Variants in AGO2 observed in about 807,000 individuals in gnomAD.
AGO2 encodes argonaute RISC catalytic component 2, also known as protein argonaute-2.
Under a neutral mutation model 102.3 loss-of-function variants are expected in AGO2, and 5 were observed. The observed-to-expected ratio is 0.05, with a 90% CI of 0.03 to 0.10. AGO2 has a LOEUF of 0.10. Ranked by LOEUF, AGO2 falls within the 10% of genes least tolerant of loss-of-function variation. The pLI, the probability that AGO2 is intolerant of heterozygous loss-of-function variation, is 1.00. For synonymous variants in AGO2, 449 were observed against 473.1 expected, an observed-to-expected ratio of 0.95 and a Z score of 0.66; for missense variants, 541 against 1,183.7, an observed-to-expected ratio of 0.46 and a Z score of 7.97.
chr8:140,558,835 A>G (rs917147887), intron 6 of AGO2, among the ~76,000 whole-genome samples: 1 of 152,188 alleles, frequency 6.6e-6, no homozygotes, highest in African/African-American at 2.4e-5. Context: ...TGCGCCCCCC[A>G]TGGGTCATCG....
chr8:140,609,641 C>A (rs1444827914), intron 1 of AGO2, among the ~76,000 whole-genome samples: 1 of 152,100 alleles, frequency 6.6e-6, no homozygotes, highest in African/African-American at 2.4e-5. Context: ...CCCATCCCAT[C>A]CCCCCAGTCA....
At chr8:140,611,775 A>T (rs1472970617) in intron 1 of AGO2, among the ~76,000 whole-genome samples, 1 of 152,166 alleles carries the variant, frequency 6.6e-6, no homozygotes, top group East Asian at 1.9e-4. Context: ...TGCCGGGCAG[A>T]TGTCTTCTCC....
chr8:140,629,648 C>T (rs1023522994), intron 1 of AGO2, among the ~76,000 whole-genome samples: 6 of 151,548 alleles, frequency 4.0e-5, no homozygotes, highest in African/African-American at 9.7e-5. Flanking sequence ...CAGAACAGCC[C>T]GGGCAACACA....
At chr8:140,580,781 T>C (rs2073545092) in intron 2 of AGO2, among the ~76,000 whole-genome samples, 1 of 152,236 alleles carries the variant, frequency 6.6e-6, no homozygotes, top group African/African-American at 2.4e-5. Context: ...TTTTGATTGA[T>C]TATAATTTTG....
Position 140,539,392 on chromosome 8 carries a change from C to A in AGO2, c.2097G>T (p.Gln699His). ...EACIKLEKDY[Q>H]PGITFIVVQK... Reference sequence around the variant, plus strand: ...GCACCACGATGAAGGTGATCCCGGGCTGGTAGTCTTTTTCTAGCTTGATAC... The same window carrying A: ...GCACCACGATGAAGGTGATCCCGGGATGGTAGTCTTTTTCTAGCTTGATAC... Residue 699 changes from glutamine to histidine, a missense_variant, in exon 16 of 19, where the codon CAG (glutamine) becomes CAT (histidine). By Grantham distance (24) the Gln-to-His change is conservative. Transcript: ENST00000220592. The surrounding 1 kb of genome is among the most constrained non-coding windows in gnomAD (Gnocchi z 4.7). 6.2e-7 allele frequency: 1 copy of A among 1,614,078 alleles called. No individual in the cohort carries two copies. The highest frequency in any genetic ancestry group is 1.1e-5 in the South Asian group (1 of 91,084).
At chr8:140,560,236 C>T (rs960688935) in intron 5 of AGO2, 138 bp downstream of exon 5, 25 of 1,313,718 alleles carry the variant, frequency 1.9e-5, no homozygotes, top group Non-Finnish European at 2.4e-5. Flanking sequence ...GTGAGACCAG[C>T]CAGGTGTCAC....
chr8:140,556,399 A>G, intron 8 of AGO2, 113 bp from the exon 9 acceptor site: 3 of 1,372,112 alleles, frequency 2.2e-6, no homozygotes. Context: ...TCTCTGCCTC[A>G]TCCCTGGGCT....
chr8:140,555,646 C>T (rs1361339254), intron 10 of AGO2: 2 of 510,338 alleles, frequency 3.9e-6, no homozygotes, highest in East Asian at 7.3e-5. Context: ...ATGGTGCTCT[C>T]TAAACTTTCA....
chr8:140,551,317 C>T lies in AGO2; in HGVS notation c.1389G>A (p.Thr463=), dbSNP rs769608831. 1.3e-6 allele frequency: 2 copies of T among 1,566,240 alleles called. No individual in the cohort carries two copies. Among genetic ancestry groups the T allele is most frequent in the South Asian group, 1.2e-5 (1 of 85,760 alleles). ...IACFAPQRQC[T]EVHLKSFTEQ... ...GGGGGGCTTACTTCAGATGGACTTCCGTGCACTGGCGCTGGGGGGCGAAGC... is the reference window on the plus strand; with the variant it reads ...GGGGGGCTTACTTCAGATGGACTTCTGTGCACTGGCGCTGGGGGGCGAAGC... The change falls in exon 11 of 19, where the codon ACG becomes ACA. Residue 463 remains threonine (T), a synonymous_variant. Coordinates refer to ENST00000220592, the MANE Select transcript of AGO2 (RefSeq NM_012154.5).
At chr8:140,549,628 T>C (rs1474248806) in intron 11 of AGO2, among the ~76,000 whole-genome samples, 1 of 152,274 alleles carries the variant, frequency 6.6e-6, no homozygotes, top group African/African-American at 2.4e-5. Context: ...AGGGCAGTGA[T>C]GCGATGCTGT....
intron 1 of AGO2, among the ~76,000 whole-genome samples, chr8:140,591,097 G>C (rs754336101): frequency 6.6e-6 from 1 of 152,248 alleles, no homozygotes; most frequent in South Asian, 2.1e-4. Flanking sequence ...AGCCCCGGGT[G>C]GGGGCAGTCC....
chr8:140,627,166 C>G (rs1410335047), intron 1 of AGO2, among the ~76,000 whole-genome samples: 2 of 152,208 alleles, frequency 1.3e-5, no homozygotes, highest in Middle Eastern at 3.2e-3. Context: ...ACCAGAGAAG[C>G]CTGGGAATGT....
chr8:140,579,530 T>G (rs899388263), intron 2 of AGO2, among the ~76,000 whole-genome samples: 2 of 152,116 alleles, frequency 1.3e-5, no homozygotes, highest in African/African-American at 4.8e-5. Flanking sequence ...ACTTGCTACT[T>G]AGTTGCCTGT....
chr8:140,540,056 C>A lies in AGO2; in HGVS notation c.2035-602G>T, dbSNP rs551661677. 6.6e-6 allele frequency among the ~76,000 whole-genome samples: 1 copy of A among 152,262 alleles called. No homozygotes were observed. The highest frequency in any genetic ancestry group is 2.4e-5 in the African/African-American group (1 of 41,554). ...AGTGAGCCGAGATCCTGCCACTGCA[C>A]TCCAGACTGGAGACAGCGAGAGTCT... On this transcript the variant is annotated intron_variant, in intron 15 of 18. Coordinates refer to ENST00000220592, the MANE Select transcript of AGO2 (RefSeq NM_012154.5). This position sits in a 1 kb window ranked among gnomAD's most constrained non-coding sequence, Gnocchi z 5.0.
intron 1 of AGO2, among the ~76,000 whole-genome samples, chr8:140,610,427 C>T (rs2074060723): frequency 6.6e-6 from 1 of 152,130 alleles, no homozygotes; most frequent in African/African-American, 2.4e-5. Flanking sequence ...CCATGTTGAC[C>T]AGGCTGGTAT....
At position 140,567,342 on chromosome 8, in the gene AGO2, G is replaced by C. The variant is rs2073304093; in HGVS notation, c.337-4708C>G. Among the ~76,000 whole-genome samples, 1 of 152,256 alleles carries C rather than the reference G, an allele frequency of 6.6e-6. No individual in the cohort carries two copies. The highest frequency in any genetic ancestry group is 1.5e-5 in the Non-Finnish European group (1 of 68,044). ...GGGCAGGAGGCACATGGCTCTCCAA[G>C]GGACAGGCACCGTGTGCGTCTGGGC... On this transcript the variant is annotated intron_variant, in intron 3 of 18. Coordinates refer to ENST00000220592, the MANE Select transcript of AGO2 (RefSeq NM_012154.5). This position sits in a 1 kb window ranked among gnomAD's most constrained non-coding sequence, Gnocchi z 5.0.
rs111594587 is a variant in AGO2, at chr8:140,539,824, C to T, written c.2035-370G>A. Among the ~76,000 whole-genome samples the T allele has an allele frequency of 6.1e-3, 923 of 152,356 alleles. 9 individuals are homozygous for T. The highest frequency in any genetic ancestry group is 0.021 in the African/African-American group (870 of 41,590). ...AGGCTTTGGGCTGGGCGCAGTGGCT[C>T]ATGCCTGTAATCCCAGGACTTTGGG... On this transcript the variant is annotated intron_variant, in intron 15 of 18. Transcript: ENST00000220592. This position sits in a 1 kb window ranked among gnomAD's most constrained non-coding sequence, Gnocchi z 4.7.
At position 140,532,546 on chromosome 8, in the gene AGO2, T is replaced by C; in HGVS notation, c.2341A>G (p.Ile781Val). The stretch of plus-strand genomic sequence containing the variant: ...GTGTGACACAGCTGGTAGGTTAGGA[T>C]CTGCAGCTCATCAGAGGAGAAACGA... Reference protein sequence around the residue: ...DNRFSSDELQILTYQLCHTYV... With the variant: ...DNRFSSDELQVLTYQLCHTYV... The change falls in exon 18 of 19, where the codon ATC (isoleucine) becomes GTC (valine). Residue 781 changes from isoleucine to valine, a missense_variant. Ile to Val is a conservative substitution (Grantham distance 29). Transcript: ENST00000220592. The C allele has an allele frequency of 6.2e-7, 1 of 1,614,238 alleles. No individual in the cohort carries two copies. The highest frequency in any genetic ancestry group is 1.7e-5 in the Admixed American group (1 of 60,038).
At chr8:140,554,499 G>A (rs1262571801) in intron 10 of AGO2, among the ~76,000 whole-genome samples, 1 of 152,162 alleles carries the variant, frequency 6.6e-6, no homozygotes, top group Non-Finnish European at 1.5e-5. Flanking sequence ...AAAACAGCGA[G>A]GCACAGAAAT....
Sources: allele counts gnomAD v4.1 joint callset (sites outside exome capture counted in the v4.1 genomes callset), GRCh38; gene constraint gnomAD v4.1.1; non-coding constraint Gnocchi (gnomAD v3.1); transcripts MANE v1.5; gene names NCBI Gene and HGNC (gene_info 2026-07-23, HGNC 2026-07-21).